SUN5: variants seen among roughly 807,000 people sequenced by gnomAD.
SUN5 encodes the protein Sad1 and UNC84 domain containing 5.
SUN5 carries 44 observed loss-of-function variants against 53.7 expected under a neutral mutation model. That is an observed-to-expected ratio of 0.82 (90% CI 0.64 to 1.05). The LOEUF (loss-of-function observed/expected upper bound fraction) is 1.05, where lower values mean the gene tolerates loss of function less well. Ranked by LOEUF, SUN5 falls within the 50% of genes least tolerant of loss-of-function variation. SUN5 has a pLI of 0.00. For synonymous variants in SUN5, 166 were observed against 179.8 expected (o/e 0.92, Z 0.62); for missense variants, 433 against 483.8 (o/e 0.90, Z 0.98).
intron 9 of SUN5, 31 bp downstream of exon 9, chr20:32,989,589 C>A (rs764551239): frequency 6.2e-7 from 1 of 1,601,340 alleles, no homozygotes; most frequent in Non-Finnish European, 8.6e-7. Flanking sequence ...ACACTTGAGG[C>A]AGTCAGATGG....
Position 33,001,381 on chromosome 20 carries a change from G to A in SUN5, c.212-103C>T. ...GGGCTGGGGGAGGCCCTGGAGCTGG[G>A]AGACCCTCTCGACTTGTTGGCCGAG... On this transcript the variant is annotated intron_variant, in intron 3 of 12. Coordinates refer to ENST00000356173, the MANE Select transcript of SUN5 (RefSeq NM_080675.4). 3 of 1,348,898 alleles carry A rather than the reference G, an allele frequency of 2.2e-6. No homozygotes were observed. The East Asian group carries it at 7.5e-5, about 34-fold the overall frequency. The allele number at this position is 1,348,898 out of a possible 1,614,324, so 83.6% of individuals were successfully genotyped here.
At chr20:33,002,355 T>A (rs1990071387) in intron 3 of SUN5, among the ~76,000 whole-genome samples, 1 of 152,072 alleles carries the variant, frequency 6.6e-6, no homozygotes, top group Admixed American at 6.5e-5. Flanking sequence ...GGTTGGCAGT[T>A]AACTCCTCCT....
chr20:33,002,856 C>T lies in SUN5; in HGVS notation c.136+5G>A, dbSNP rs193225097. 8 of 1,614,084 alleles carry T rather than the reference C, an allele frequency of 5.0e-6. No individual in the cohort carries two copies. In the East Asian group the frequency reaches 8.9e-5, roughly 18 times the overall value. Reference sequence around the variant, plus strand: ...GAAAATACCAGGGCACCTGTCCTTGCTCACTCATGTTTGGGGAGGTGTCCT... The same window carrying T: ...GAAAATACCAGGGCACCTGTCCTTGTTCACTCATGTTTGGGGAGGTGTCCT... On this transcript the variant is annotated splice_donor_5th_base_variant and intron_variant, in intron 2 of 12. Coordinates refer to ENST00000356173, the MANE Select transcript of SUN5 (RefSeq NM_080675.4).
chr20:33,000,444 C>G (rs999320659), intron 4 of SUN5, among the ~76,000 whole-genome samples: 1 of 152,176 alleles, frequency 6.6e-6, no homozygotes, highest in Non-Finnish European at 1.5e-5. Flanking sequence ...AAAATTTAAA[C>G]TTCAAATGAA....
chr20:32,997,889 A>T (rs910258036), intron 5 of SUN5, among the ~76,000 whole-genome samples: 4 of 152,162 alleles, frequency 2.6e-5, no homozygotes, highest in African/African-American at 9.7e-5. Context: ...TCATGATCAG[A>T]TGATATCAAA....
At chr20:32,986,909 C>T (rs1022527917) in intron 10 of SUN5, among the ~76,000 whole-genome samples, 1 of 152,226 alleles carries the variant, frequency 6.6e-6, no homozygotes, top group East Asian at 1.9e-4. Flanking sequence ...TAGTCCTCGG[C>T]TGCGGCCACC....
intron 9 of SUN5, among the ~76,000 whole-genome samples, chr20:32,988,578 T>TTATG (rs1989613509): frequency 6.6e-6 from 1 of 151,424 alleles, no homozygotes; most frequent in African/African-American, 2.4e-5. Flanking sequence ...GATTATTATT[T>TTATG]TATTTATTTA....
chr20:32,992,481 C>G (rs1038362278), intron 8 of SUN5, among the ~76,000 whole-genome samples: 1 of 152,106 alleles, frequency 6.6e-6, no homozygotes, highest in Non-Finnish European at 1.5e-5. Flanking sequence ...TTCTCTGTTC[C>G]CCAGTAGAAG....
At chr20:33,000,536 G>A (rs1464482188) in intron 4 of SUN5, among the ~76,000 whole-genome samples, 2 of 152,226 alleles carry the variant, frequency 1.3e-5, no homozygotes, top group African/African-American at 4.8e-5. Context: ...AAAGAATGGG[G>A]CAGGCCCTCC....
intron 6 of SUN5, among the ~76,000 whole-genome samples, chr20:32,997,124 G>A (rs897970672): frequency 1.1e-4 from 17 of 152,204 alleles, no homozygotes; most frequent in African/African-American, 4.1e-4. Context: ...GGACCTTGAT[G>A]GATATGAAGG....
chr20:32,999,979 C>T (rs1198601482), intron 5 of SUN5, 95 bp downstream of exon 5: 4 of 1,560,640 alleles, frequency 2.6e-6, no homozygotes, highest in African/African-American at 1.3e-5. Context: ...GAAACTGAGT[C>T]ACGTGGCAGT....
At chr20:32,989,150 CT>C (rs1425552737) in intron 9 of SUN5, among the ~76,000 whole-genome samples, 1 of 151,544 alleles carries the variant, frequency 6.6e-6, no homozygotes, top group Non-Finnish European at 1.5e-5. Context: ...TGGTCTCGAT[CT>C]CCTGACCTCG....
intron 9 of SUN5, among the ~76,000 whole-genome samples, chr20:32,989,289 C>T (rs999470452): frequency 7.2e-5 from 11 of 152,202 alleles, no homozygotes; most frequent in African/African-American, 2.6e-4. Flanking sequence ...TGCCCAGCAT[C>T]GGGTTTGGAG....
intron 8 of SUN5, 41 bp downstream of exon 8, chr20:32,995,578 A>G (rs2070310): frequency 0.37 from 573,835 of 1,553,590 alleles, 112,158 homozygotes; most frequent in East Asian, 0.77. Context: ...CATCAAACAA[A>G]GAGAAATTAG....
At chr20:32,994,817 G>C (rs371139626) in intron 8 of SUN5, among the ~76,000 whole-genome samples, 36 of 146,354 alleles carry the variant, frequency 2.5e-4, no homozygotes, top group African/African-American at 9.0e-4. Context: ...TTGAACCCAG[G>C]AGGCAGAGGT....
In SUN5 at chr20:32,983,884, G is replaced by A; in HGVS notation, c.1050C>T (p.Gly350=). 1 of 1,600,196 alleles carries A rather than the reference G, an allele frequency of 6.2e-7. No homozygotes were observed. The highest frequency in any genetic ancestry group is 1.1e-5 in the South Asian group (1 of 87,496). Residue 350 remains glycine (G), a synonymous_variant, in exon 13 of 13, where the codon GGC becomes GGT. Transcript: ENST00000356173. ...CTCGCACGCGGTACAGGCAAGTGAAGCCTGGGTTCCCCCAGTTGCTTGAGA... is the reference window on the plus strand; with the variant it reads ...CTCGCACGCGGTACAGGCAAGTGAAACCTGGGTTCCCCCAGTTGCTTGAGA... ...VKISSNWGNP[G]FTCLYRVRVH...
At chr20:32,996,224 T>G in intron 7 of SUN5, 100 bp downstream of exon 7, 1 of 1,238,632 alleles carries the variant, frequency 8.1e-7, no homozygotes, top group Non-Finnish European at 1.1e-6. Context: ...CCCAGGTTGA[T>G]CTGACTGCAG....
intron 9 of SUN5, 146 bp downstream of exon 9, chr20:32,989,474 C>T (rs981699830): frequency 1.9e-5 from 3 of 154,002 alleles, no homozygotes; most frequent in African/African-American, 1.3e-4. Context: ...TGAGAGAAAA[C>T]AAAATTGTAG....
intron 8 of SUN5, among the ~76,000 whole-genome samples, chr20:32,991,105 G>A (rs1240554364): frequency 6.6e-6 from 1 of 152,110 alleles, no homozygotes; most frequent in East Asian, 1.9e-4. Flanking sequence ...TTTCAAAACT[G>A]GGTCGCCAAC....
Sources: gnomAD v4.1 joint callset for allele counts (sites outside exome capture counted in the v4.1 genomes callset) on GRCh38, gnomAD v4.1.1 for gene constraint, MANE v1.5 for transcripts, NCBI Gene and HGNC (gene_info 2026-07-23, HGNC 2026-07-21) for gene names.